The following DHRS9 variants were observed in gnomAD, a reference collection of about 807,000 sequenced individuals.
The protein encoded by DHRS9 is dehydrogenase/reductase 9.
DHRS9 carries 18 observed loss-of-function variants against 26.6 expected under a neutral mutation model. The ratio of observed to expected loss-of-function variants is 0.68; its 90% CI spans 0.47 to 1.00. DHRS9 has a LOEUF of 1.00. DHRS9 is among the 50% of genes least tolerant of loss of function. DHRS9 has a pLI of 0.00. For missense variants in DHRS9, 425 were observed against 378.7 expected (o/e 1.12, Z -1.01); for synonymous variants, 134 against 141.1 (o/e 0.95, Z 0.36).
chr2:169,079,060 A>C (rs10166121), intron 1 of DHRS9, among the ~76,000 whole-genome samples: 1 of 151,774 alleles, frequency 6.6e-6, no homozygotes, highest in Admixed American at 6.6e-5. Context: ...TGTTGGCCAG[A>C]CTGGTCTCAA....
At chr2:169,092,570 C>T (rs146733579) in intron 4 of DHRS9, among the ~76,000 whole-genome samples, 1,838 of 152,268 alleles carry the variant, frequency 0.012, 16 homozygotes, top group Middle Eastern at 0.02. Flanking sequence ...TCTAATTCCC[C>T]AGGGAATTTA....
At chr2:169,069,210 C>T (rs1281593868), upstream of DHRS9, among the ~76,000 whole-genome samples, 2 of 151,876 alleles carry the variant, frequency 1.3e-5, no homozygotes, top group Non-Finnish European at 2.9e-5. Flanking sequence ...TTAAATAAGC[C>T]AAGGCATGCT....
At chr2:169,095,360 G>A (rs575104501) in intron 4 of DHRS9, among the ~76,000 whole-genome samples, 184 bp from the exon 5 acceptor site, 1 of 152,094 alleles carries the variant, frequency 6.6e-6, no homozygotes, top group East Asian at 1.9e-4. Flanking sequence ...GAGAGCTGCT[G>A]GTCTAAAGAA....
At position 169,081,587 on chromosome 2, in the gene DHRS9, CT is replaced by C. The variant is rs750507263; in HGVS notation, c.10del (p.Trp4GlyfsTer3). 1.9e-6 allele frequency: 3 copies of C among 1,613,722 alleles called. No individual in the cohort carries two copies. In the African/African-American group the frequency reaches 4.0e-5, roughly 22 times the overall value. Reference sequence around the variant, plus strand: ...TATCACACACAGGGGGAAAAATGCTCTTTTGGGTGCTAGGCCTCCTAATCCT... The same window carrying C: ...TATCACACACAGGGGGAAAAATGCTCTTTGGGTGCTAGGCCTCCTAATCCT... ML[F>X]WVLGLLILCG... is the part of the protein sequence containing the mutation. On this transcript the variant is annotated frameshift_variant, in exon 2 of 5. Transcript: ENST00000674881. LOFTEE classifies it high-confidence loss of function.
chr2:169,084,363 G>A (rs1574031124), intron 3 of DHRS9, among the ~76,000 whole-genome samples: 1 of 152,104 alleles, frequency 6.6e-6, no homozygotes, highest in Non-Finnish European at 1.5e-5. Context: ...CCCAGCAGCG[G>A]TATTGCTGGA....
intron 1 of DHRS9, among the ~76,000 whole-genome samples, chr2:169,079,251 A>G (rs554020607): frequency 6.6e-6 from 1 of 152,198 alleles, no homozygotes; most frequent in Admixed American, 6.5e-5. Context: ...TGAAGAAGAC[A>G]TTACATTGAT....
At chr2:169,077,840 T>C (rs1266078383) in intron 1 of DHRS9, among the ~76,000 whole-genome samples, 2 of 152,186 alleles carry the variant, frequency 1.3e-5, no homozygotes. Flanking sequence ...TTCCCTCATC[T>C]ACTTTCCCCT....
At chr2:169,092,861 A>C (rs1303432710) in intron 4 of DHRS9, among the ~76,000 whole-genome samples, 2 of 152,164 alleles carry the variant, frequency 1.3e-5, no homozygotes, top group Admixed American at 6.6e-5. Flanking sequence ...AAAATCCCCC[A>C]AAAAACTCTT....
At chr2:169,082,468 A>G (rs906074952) in intron 2 of DHRS9, among the ~76,000 whole-genome samples, 1 of 152,198 alleles carries the variant, frequency 6.6e-6, no homozygotes, top group Admixed American at 6.5e-5. Context: ...TTGGCTTTGA[A>G]TGAAGTGTGA....
chr2:169,074,249 TTAC>T, intron 1 of DHRS9: 1 of 984,722 alleles, frequency 1.0e-6, no homozygotes, highest in Non-Finnish European at 1.2e-6. Flanking sequence ...TATTTCTACT[TTAC>T]AGGTAGGAAA....
chr2:169,083,780 T>C (rs529072016), intron 3 of DHRS9, among the ~76,000 whole-genome samples, 193 bp downstream of exon 3: 1 of 152,302 alleles, frequency 6.6e-6, no homozygotes, highest in African/African-American at 2.4e-5. Flanking sequence ...TGCATAGTAA[T>C]TACATCAAGG....
chr2:169,068,187 C>T (rs948198931), upstream of DHRS9, among the ~76,000 whole-genome samples: 5 of 152,282 alleles, frequency 3.3e-5, no homozygotes, highest in Middle Eastern at 3.4e-3. Context: ...TACCTTACTT[C>T]ATGTGGCTCT....
At position 169,091,882 on chromosome 2, in the gene DHRS9, A is replaced by G. The variant is rs1684540635; in HGVS notation, c.665A>G (p.Lys222Arg). ...NLADPVKVIE[K>R]KLAIWEQLSP... is the part of the protein sequence containing the mutation. ...GCAGATCCAGTAAAGGTAATTGAAA[A>G]AAAACTCGCCATTTGGGAGCAGCTG... Residue 222 changes from lysine (K) to arginine (R), a missense_variant, in exon 4 of 5, where the codon AAA (lysine) becomes AGA (arginine). Coordinates refer to ENST00000674881, the MANE Select transcript of DHRS9 (RefSeq NM_001376924.1). 1 of 1,614,004 alleles carries G rather than the reference A, an allele frequency of 6.2e-7. No individual in the cohort carries two copies. The highest frequency in any genetic ancestry group is 1.7e-5 in the Admixed American group (1 of 59,976).
chr2:169,076,842 A>G (rs899400487), intron 1 of DHRS9, among the ~76,000 whole-genome samples: 1 of 152,252 alleles, frequency 6.6e-6, no homozygotes, highest in East Asian at 1.9e-4. Context: ...TTGTATATGT[A>G]TTATATACTG....
intron 1 of DHRS9, among the ~76,000 whole-genome samples, chr2:169,073,909 A>AT (rs1458270509): frequency 6.6e-6 from 1 of 152,100 alleles, no homozygotes; most frequent in East Asian, 1.9e-4. Flanking sequence ...ACTGGGGGAT[A>AT]TTTTGTCCTC....
At chr2:169,071,733 T>C (rs1321492970) in intron 1 of DHRS9, among the ~76,000 whole-genome samples, 4 of 152,146 alleles carry the variant, frequency 2.6e-5, no homozygotes, top group African/African-American at 9.7e-5. Flanking sequence ...GAACTTACCC[T>C]CCCACGACGA....
In DHRS9 at chr2:169,081,638, A is replaced by G. The variant is rs1684187267; in HGVS notation, c.57A>G (p.Lys19=). ...TCTGTGGTTTTCTGTGGACTCGTAA[A>G]GGAAAACTAAAGATTGAAGACATCA... ...LILCGFLWTR[K]GKLKIEDITD... Residue 19 remains lysine (K), a synonymous_variant, in exon 2 of 5, where the codon AAA becomes AAG. Coordinates refer to ENST00000674881, the MANE Select transcript of DHRS9 (RefSeq NM_001376924.1). 12 of 1,614,088 alleles carry G rather than the reference A, an allele frequency of 7.4e-6. No individual in the cohort carries two copies. Among genetic ancestry groups the G allele is most frequent in the African/African-American group, 2.7e-5 (2 of 74,922 alleles).
At chr2:169,092,378 T>C (rs1232054660) in intron 4 of DHRS9, among the ~76,000 whole-genome samples, 1 of 152,208 alleles carries the variant, frequency 6.6e-6, no homozygotes, top group African/African-American at 2.4e-5. Flanking sequence ...ATTAAGGATT[T>C]ATGGTGGTTA....
rs773803638 is a variant in DHRS9 at position 169,083,367 on chromosome 2, G to T, written c.352G>T (p.Val118Leu). The change falls in exon 3 of 5, where the codon GTG (valine) becomes TTG (leucine). Residue 118 changes from valine (V) to leucine (L), a missense_variant. By Grantham distance (32) the Val-to-Leu change is conservative. Coordinates refer to ENST00000674881, the MANE Select transcript of DHRS9 (RefSeq NM_001376924.1). ...GLINNAGVPG[V>L]LAPTDWLTLE... ...GATCAATAATGCTGGTGTTCCCGGC[G>T]TGCTGGCTCCCACTGACTGGCTGAC... is the stretch of plus-strand genomic sequence containing the variant. 6.2e-7 allele frequency: 1 copy of T among 1,614,084 alleles called. No homozygotes were observed. Among genetic ancestry groups the T allele is most frequent in the Admixed American group, 1.7e-5 (1 of 60,014 alleles).
Sources: gnomAD v4.1 joint callset for allele counts (sites outside exome capture counted in the v4.1 genomes callset) on GRCh38, gnomAD v4.1.1 for gene constraint, MANE v1.5 for transcripts, NCBI Gene and HGNC (gene_info 2026-07-23, HGNC 2026-07-21) for gene names.